Variants in WARS1 observed in about 807,000 individuals in gnomAD.
WARS1 encodes the protein tryptophanyl-tRNA synthetase 1, also known as tryptophan--tRNA ligase, cytoplasmic.
WARS1 carries 17 observed loss-of-function variants against 47.8 expected under a neutral mutation model. The observed-to-expected ratio is 0.36, with a 90% CI of 0.24 to 0.53. The LOEUF (loss-of-function observed/expected upper bound fraction) is 0.53, where lower values mean the gene tolerates loss of function less well. WARS1 is among the 20% of genes least tolerant of loss of function. The pLI, the probability that WARS1 is intolerant of heterozygous loss-of-function variation, is 0.91. For missense variants in WARS1, 434 were observed against 608.0 expected (o/e 0.71, Z 3.01); for synonymous variants, 208 against 228.1 (o/e 0.91, Z 0.79).
chr14:100,365,725 CTTCTTTT>C, intron 2 of WARS1: 1 of 141,530 alleles, frequency 7.1e-6, no homozygotes, highest in Non-Finnish European at 1.3e-5. Context: ...AAGCAGAGAT[CTTCTTTT>C]TTTTTTTTTT....
At chr14:100,366,607 G>T in intron 2 of WARS1, 1 of 731,894 alleles carries the variant, frequency 1.4e-6, no homozygotes, top group East Asian at 2.5e-5. Flanking sequence ...TGTCCTGAGA[G>T]GTCAGATTGC....
At chr14:100,360,203 G>A (rs976132667) in intron 4 of WARS1, among the ~76,000 whole-genome samples, 1 of 152,174 alleles carries the variant, frequency 6.6e-6, no homozygotes. Flanking sequence ...GAAGCCTACT[G>A]TTTGTCATGT....
chr14:100,348,584 T>C (rs895427474), intron 6 of WARS1, among the ~76,000 whole-genome samples: 5 of 152,172 alleles, frequency 3.3e-5, no homozygotes, highest in African/African-American at 1.2e-4. Flanking sequence ...ATGCGGCCTT[T>C]GTCCTCCTGC....
At chr14:100,366,867 C>T in intron 2 of WARS1, 8 of 1,606,380 alleles carry the variant, frequency 5.0e-6, no homozygotes, top group South Asian at 1.1e-5. Flanking sequence ...TTTGTGGTAG[C>T]TGTAGGAGCT....
At chr14:100,365,676 G>A (rs905750985) in intron 2 of WARS1, 3 of 177,824 alleles carry the variant, frequency 1.7e-5, no homozygotes, top group African/African-American at 7.2e-5. Context: ...AGTTAAAGAT[G>A]CGTATTGATG....
Position 100,335,045 on chromosome 14 carries a change from A to C in WARS1, c.1255-9T>G, listed in dbSNP as rs753471733. 2 of 1,611,070 alleles carry C rather than the reference A, an allele frequency of 1.2e-6. No homozygotes were observed. The highest frequency in any genetic ancestry group is 2.2e-5 in the South Asian group (2 of 90,936). The stretch of plus-strand genomic sequence containing the variant: ...GCTCCGCTGGTGTAATCCTGCCCGG[A>C]GGGAGACAGCCACGTGAGAGATGGC... On this transcript the variant is annotated splice_polypyrimidine_tract_variant and intron_variant, in intron 10 of 10. Transcript: ENST00000392882.
chr14:100,370,711 T>G lies in WARS1; in HGVS notation c.-73-1453A>C, dbSNP rs574175205. On this transcript the variant is annotated intron_variant, in intron 1 of 10. Transcript: ENST00000392882. ...AGAGGGGTTAAAAAAAACTTGCCCA[T>G]GGCTGGGCATGGTGGCTCATACCTG... Among the ~76,000 whole-genome samples, 12 of 151,654 alleles carry G rather than the reference T, an allele frequency of 7.9e-5. No homozygotes were observed. The East Asian group carries it at 1.7e-3, about 22-fold the overall frequency.
At chr14:100,362,022 G>A (rs1297649706) in intron 2 of WARS1, 101 bp from the exon 3 acceptor site, 20 of 1,220,320 alleles carry the variant, frequency 1.6e-5, no homozygotes, top group South Asian at 1.1e-4. Flanking sequence ...GCTTTTACAC[G>A]TGTTACCTTA....
At chr14:100,362,052 A>G in intron 2 of WARS1, 131 bp from the exon 3 acceptor site, 1 of 933,142 alleles carries the variant, frequency 1.1e-6, no homozygotes, top group African/African-American at 1.6e-5. Context: ...ACAACCCTAC[A>G]AGGCAGGTAT....
chr14:100,352,215 G>T (rs1389333385), intron 6 of WARS1, among the ~76,000 whole-genome samples: 1 of 143,534 alleles, frequency 7.0e-6, no homozygotes, highest in African/African-American at 2.6e-5. Context: ...AGGTTCAAGC[G>T]ATTCTTCTGC....
In WARS1 at chr14:100,361,644, A is replaced by G. The variant is rs1485519159; in HGVS notation, c.313+64T>C. ...TTCAAAATTTAAAAACATCAATGGAATCAACTCAATGGGACCACTTCTAAA... is the reference window on the plus strand; with the variant it reads ...TTCAAAATTTAAAAACATCAATGGAGTCAACTCAATGGGACCACTTCTAAA... On this transcript the variant is annotated intron_variant, in intron 3 of 10. Coordinates refer to ENST00000392882, the MANE Select transcript of WARS1 (RefSeq NM_004184.4). 9.9e-6 allele frequency: 15 copies of G among 1,509,396 alleles called. 1 individual carries two copies. Among genetic ancestry groups the G allele is most frequent in the Middle Eastern group, 1.9e-4 (1 of 5,184 alleles). The allele number at this position is 1,509,396 out of a possible 1,614,324, so 93.5% of individuals were successfully genotyped here. A position where few individuals can be genotyped will look rare whatever the true frequency, so the allele number is the denominator to read the frequency against.
chr14:100,371,774 G>T (rs777142311), intron 1 of WARS1, among the ~76,000 whole-genome samples: 1 of 152,056 alleles, frequency 6.6e-6, no homozygotes, highest in Non-Finnish European at 1.5e-5. Context: ...AATCACGGGT[G>T]CTGTGAGCGG....
intron 4 of WARS1, among the ~76,000 whole-genome samples, chr14:100,354,869 G>T (rs9324020): frequency 0.68 from 104,040 of 152,054 alleles, 36,796 homozygotes; most frequent in Admixed American, 0.81. Context: ...GACATACTGT[G>T]AGCTTGGTAC....
chr14:100,357,994 G>C (rs928492516), intron 4 of WARS1, among the ~76,000 whole-genome samples: 2 of 152,168 alleles, frequency 1.3e-5, no homozygotes, highest in Non-Finnish European at 2.9e-5. Flanking sequence ...CTCCACAAAT[G>C]AATCTACAGA....
intron 6 of WARS1, among the ~76,000 whole-genome samples, chr14:100,348,911 A>T (rs1464415080): frequency 6.6e-6 from 1 of 152,208 alleles, no homozygotes; most frequent in Non-Finnish European, 1.5e-5. Context: ...CTGCAGGGTG[A>T]ATGCAGGTGC....
rs770693716 is a variant in WARS1, at chr14:100,342,498, G to A, written c.1013C>T (p.Thr338Ile). 7 of 1,613,928 alleles carry A rather than the reference G, an allele frequency of 4.3e-6. No homozygotes were observed. The South Asian group carries it at 6.6e-5, about 15-fold the overall frequency. The change falls in exon 9 of 11, where the codon ACC (threonine) becomes ATC (isoleucine). Residue 338 changes from threonine to isoleucine, a missense_variant. Thr to Ile is a moderately conservative substitution (Grantham distance 89, BLOSUM62 -1). This residue lies in a region of WARS1 where 347 missense variants were observed against 523.8 expected (regional missense o/e 0.66). Coordinates refer to ENST00000392882, the MANE Select transcript of WARS1 (RefSeq NM_004184.4). ...GYPKPALLHSTFFPALQGAQT... is the reference protein window; with the variant it reads ...GYPKPALLHSIFFPALQGAQT... ...GGCGCCCTGCAGGGCTGGGAAGAAG[G>A]TGGAGTGCAGCAGGGCTGGTTTAGG...
intron 7 of WARS1, among the ~76,000 whole-genome samples, chr14:100,344,935 C>T (rs999254380): frequency 6.6e-6 from 1 of 151,130 alleles, no homozygotes; most frequent in Non-Finnish European, 1.5e-5. Context: ...GCAGCCACCC[C>T]GTCCTGGAGG....
Position 100,369,224 on chromosome 14 carries a change from G to A in WARS1, c.-39C>T, listed in dbSNP as rs1435725952. The stretch of plus-strand genomic sequence containing the variant: ...CAGGAACTACGTTCACAGCCGGCCT[G>A]AGGTCAGAGGATTTGTTCAGCAGAC... On this transcript the variant is annotated 5_prime_UTR_variant, in exon 2 of 11. Coordinates refer to ENST00000392882, the MANE Select transcript of WARS1 (RefSeq NM_004184.4). The A allele has an allele frequency of 9.6e-7, 1 of 1,043,452 alleles. No individual in the cohort carries two copies. Among genetic ancestry groups the A allele is most frequent in the Non-Finnish European group, 1.3e-6 (1 of 788,168 alleles). 64.6% of individuals were successfully genotyped at this position (1,043,452 alleles called of 1,614,324 possible).
intron 4 of WARS1, among the ~76,000 whole-genome samples, chr14:100,355,151 GC>G (rs1895233427): frequency 6.6e-6 from 1 of 152,114 alleles, no homozygotes; most frequent in African/African-American, 2.4e-5. Flanking sequence ...AATCACAGCT[GC>G]CTGCGCCCCA....
Sources: gnomAD v4.1 joint callset for allele counts (sites outside exome capture counted in the v4.1 genomes callset) on GRCh38, gnomAD v4.1.1 for gene constraint, gnomAD v4.1.1 regional missense constraint, MANE v1.5 for transcripts, NCBI Gene and HGNC (gene_info 2026-07-23, HGNC 2026-07-21) for gene names.